GLIS3: variants seen among roughly 807,000 people sequenced by gnomAD.
GLIS3 encodes zinc finger protein GLIS3.
GLIS3 carries 53 observed loss-of-function variants against 78.6 expected under a neutral mutation model. That is an observed-to-expected ratio of 0.67 (90% CI 0.54 to 0.85). The LOEUF (loss-of-function observed/expected upper bound fraction) is 0.85, where lower values mean the gene tolerates loss of function less well. Ranked by LOEUF, GLIS3 falls within the 40% of genes least tolerant of loss-of-function variation. GLIS3 has a pLI of 0.00. For synonymous variants in GLIS3, 684 were observed against 509.9 expected (o/e 1.34, Z -4.60); for missense variants, 1,703 against 1,231.1 (o/e 1.38, Z -5.74).
chr9:4,270,594 C>A (rs1359497741), intron 2 of GLIS3, among the ~76,000 whole-genome samples: 1 of 152,188 alleles, frequency 6.6e-6, no homozygotes, highest in African/African-American at 2.4e-5. Context: ...CCAGAGGTCA[C>A]ACAGGCCTTT....
At chr9:3,859,214 A>G (rs1471442457) in intron 8 of GLIS3, among the ~76,000 whole-genome samples, 4 of 152,176 alleles carry the variant, frequency 2.6e-5, no homozygotes, top group African/African-American at 9.7e-5. Context: ...AAGCAAACAA[A>G]CAAACAGAAA....
At chr9:3,899,349 TTAACAG>T (rs1171690449) in intron 6 of GLIS3, among the ~76,000 whole-genome samples, 1 of 151,926 alleles carries the variant, frequency 6.6e-6, no homozygotes, top group Non-Finnish European at 1.5e-5. Context: ...AACAATGTGA[TTAACAG>T]TAACAAAACT....
the GLIS3 span, among the ~76,000 whole-genome samples, chr9:4,402,857 C>G: frequency 6.6e-6 from 1 of 152,102 alleles, no homozygotes; most frequent in East Asian, 1.9e-4. Flanking sequence ...AGTTATTGGC[C>G]TTAAAGAAGA....
Position 3,977,674 on chromosome 9 carries a change from T to C in GLIS3, c.1711-40485A>G, listed in dbSNP as rs1215018868. ...CAATAATGGCAGAATGACGGCTTAGTTCAAAGATCATAGAGATGTTACTTT... is the reference window on the plus strand; with the variant it reads ...CAATAATGGCAGAATGACGGCTTAGCTCAAAGATCATAGAGATGTTACTTT... On this transcript the variant is annotated intron_variant, in intron 4 of 10. Transcript: ENST00000381971. The surrounding 1 kb of genome is among the most constrained non-coding windows in gnomAD (Gnocchi z 4.1). Among the ~76,000 whole-genome samples, 2 of 152,206 alleles carry C rather than the reference T, an allele frequency of 1.3e-5. No homozygotes were observed. The highest frequency in any genetic ancestry group is 1.9e-4 in the East Asian group (1 of 5,194).
intron 6 of GLIS3, among the ~76,000 whole-genome samples, chr9:3,920,073 G>C (rs1345917710): frequency 1.3e-5 from 2 of 148,784 alleles, no homozygotes; most frequent in Non-Finnish European, 3.0e-5. Context: ...GCACGGTCTC[G>C]GCTCACTGCA....
chr9:3,991,765 A>C lies in GLIS3; in HGVS notation c.1711-54576T>G, dbSNP rs187515914. 2.0e-3 allele frequency among the ~76,000 whole-genome samples: 271 copies of C among 135,042 alleles called. 2 individuals are homozygous for C. Among genetic ancestry groups the C allele is most frequent in the East Asian group, 0.015 (70 of 4,602 alleles). The allele number at this position is 135,042 out of a possible 152,430, so 88.6% of individuals were successfully genotyped here. The stretch of plus-strand genomic sequence containing the variant: ...GAGTGCAGTGGTGGGATCTCGGCTC[A>C]CTGCAAGCTCCGCCTCCCGGCTTCA... On this transcript the variant is annotated intron_variant, in intron 4 of 10. Coordinates refer to ENST00000381971, the MANE Select transcript of GLIS3 (RefSeq NM_001042413.2).
At chr9:4,008,620 CTG>C (rs1338485450) in intron 4 of GLIS3, among the ~76,000 whole-genome samples, 3 of 152,148 alleles carry the variant, frequency 2.0e-5, no homozygotes, top group African/African-American at 7.2e-5. Flanking sequence ...TCAGAAGACT[CTG>C]TATTCATCTC....
At chr9:4,364,904 C>G in the GLIS3 span, among the ~76,000 whole-genome samples, 1 of 151,934 alleles carries the variant, frequency 6.6e-6, no homozygotes, top group African/African-American at 2.4e-5. Context: ...TTGCCTCAGC[C>G]TCCCAAGTAG....
chr9:4,278,201 A>G (rs557164738), intron 2 of GLIS3, among the ~76,000 whole-genome samples: 9 of 152,208 alleles, frequency 5.9e-5, no homozygotes, highest in African/African-American at 2.2e-4. Flanking sequence ...ATTGGAACTC[A>G]CTATCTTTCT....
At position 4,163,503 on chromosome 9, in the gene GLIS3, C is replaced by T. The variant is rs531722790; in HGVS notation, c.389-37562G>A. On this transcript the variant is annotated intron_variant, in intron 2 of 10. Transcript: ENST00000381971. ...TCCTCACACTTTCTGGCTTCTAGTC[C>T]AGCCTGGCCACATGTAGCCTCTCAA... Among the ~76,000 whole-genome samples, 18 of 152,350 alleles carry T rather than the reference C, an allele frequency of 1.2e-4. No individual in the cohort carries two copies. In the South Asian group the frequency reaches 1.9e-3, roughly 16 times the overall value.
intron 4 of GLIS3, among the ~76,000 whole-genome samples, chr9:4,039,322 A>T (rs1049458027): frequency 2.8e-4 from 42 of 152,206 alleles, no homozygotes; most frequent in Non-Finnish European, 8.8e-5. Context: ...CAGCTGTCCA[A>T]TGCAGTATTA....
the GLIS3 span, among the ~76,000 whole-genome samples, chr9:4,357,835 T>G: frequency 6.6e-6 from 1 of 152,154 alleles, no homozygotes; most frequent in Non-Finnish European, 1.5e-5. Flanking sequence ...GGAGGCACCA[T>G]TCCCATTGAA....
chr9:4,176,863 A>T (rs1262555803), intron 2 of GLIS3, among the ~76,000 whole-genome samples: 1 of 152,216 alleles, frequency 6.6e-6, no homozygotes, highest in Admixed American at 6.5e-5. Context: ...ACCTCAGGTG[A>T]TCCGCCCGCC....
chr9:4,173,527 C>T (rs1249181505), intron 2 of GLIS3, among the ~76,000 whole-genome samples: 1 of 150,892 alleles, frequency 6.6e-6, no homozygotes, highest in Non-Finnish European at 1.5e-5. Flanking sequence ...AAGTGTATTA[C>T]TATATATATA....
intron 2 of GLIS3, among the ~76,000 whole-genome samples, chr9:4,285,264 AT>A (rs1358441359): frequency 6.6e-6 from 1 of 152,228 alleles, no homozygotes; most frequent in Non-Finnish European, 1.5e-5. Flanking sequence ...CATCTACAAT[AT>A]AACCTCATTA....
chr9:3,856,236 A>G, intron 8 of GLIS3, 52 bp from the exon 9 acceptor site: 1 of 1,540,616 alleles, frequency 6.5e-7, no homozygotes, highest in South Asian at 1.2e-5. Flanking sequence ...CAGCAGGAAC[A>G]AAGACAAACT....
intron 4 of GLIS3, among the ~76,000 whole-genome samples, chr9:4,108,684 G>T (rs1211742386): frequency 6.6e-6 from 1 of 152,068 alleles, no homozygotes; most frequent in African/African-American, 2.4e-5. Flanking sequence ...CCAATACCCA[G>T]GCCCCTATTT....
chr9:4,001,292 T>C (rs1036937391), intron 4 of GLIS3, among the ~76,000 whole-genome samples: 1 of 152,226 alleles, frequency 6.6e-6, no homozygotes, highest in African/African-American at 2.4e-5. Flanking sequence ...ATGCTTTCAA[T>C]GGCTTTTATC....
At chr9:4,457,550 T>C in the GLIS3 span, among the ~76,000 whole-genome samples, 74 of 151,996 alleles carry the variant, frequency 4.9e-4, no homozygotes, top group South Asian at 1.0e-3. Flanking sequence ...AAATAACGAC[T>C]TAAAATGCAG....
Sources: gnomAD v4.1 joint callset for allele counts (sites outside exome capture counted in the v4.1 genomes callset) on GRCh38, gnomAD v4.1.1 for gene constraint, Gnocchi (gnomAD v3.1) non-coding constraint, MANE v1.5 for transcripts, NCBI Gene and HGNC (gene_info 2026-07-23, HGNC 2026-07-21) for gene names.